Variants in CRTAC1 observed in about 807,000 individuals in gnomAD.
The protein encoded by CRTAC1 is acidic secreted protein in cartilage.
A neutral mutation model predicts 67.8 loss-of-function variants in CRTAC1; 37 were observed. That is an observed-to-expected ratio of 0.55 (90% CI 0.42 to 0.72). The LOEUF (loss-of-function observed/expected upper bound fraction) is 0.72, where lower values mean the gene tolerates loss of function less well. Among genes scored for constraint, CRTAC1 ranks in the 30% least tolerant of loss-of-function variants. The probability of loss-of-function intolerance (pLI) is 0.00; values close to 1 mark genes in which losing one functional copy is unlikely to be tolerated. For synonymous variants in CRTAC1, 348 were observed against 371.0 expected (o/e 0.94, Z 0.71); for missense variants, 780 against 931.6 (o/e 0.84, Z 2.12).
intron 2 of CRTAC1, among the ~76,000 whole-genome samples, chr10:97,940,412 C>T (rs1413095860): frequency 2.0e-5 from 3 of 152,234 alleles, no homozygotes; most frequent in Non-Finnish European, 1.5e-5. Flanking sequence ...CTGGAGGCTT[C>T]AAAGCTCAGT....
Position 97,880,364 on chromosome 10 carries a change from G to A in CRTAC1, c.1704C>T (p.Phe568=), listed in dbSNP as rs769768285. ...ATACGGGCTTGTCTCGAGGGCACAC[G>A]AATGGGAACTGGATGCATTCATTGG... is the stretch of plus-strand genomic sequence containing the variant. The part of the protein sequence containing the change: ...MDTNECIQFP[F]VCPRDKPVCV... Residue 568 remains phenylalanine (F), a synonymous_variant, in exon 14 of 15, where the codon TTC becomes TTT. Coordinates refer to ENST00000370597, the MANE Select transcript of CRTAC1 (RefSeq NM_018058.7). 3.1e-6 allele frequency: 5 copies of A among 1,614,118 alleles called. No homozygotes were observed. Among genetic ancestry groups the A allele is most frequent in the South Asian group, 1.1e-5 (1 of 91,070 alleles).
intron 11 of CRTAC1, among the ~76,000 whole-genome samples, chr10:97,893,888 C>T (rs541466344): frequency 1.4e-3 from 211 of 152,322 alleles, no homozygotes; most frequent in African/African-American, 4.9e-3. Context: ...CCTTTTCTCA[C>T]TCACCATAGT....
At chr10:97,981,555 C>T (rs1344981643) in intron 2 of CRTAC1, among the ~76,000 whole-genome samples, 2 of 152,254 alleles carry the variant, frequency 1.3e-5, no homozygotes, top group South Asian at 2.1e-4. Flanking sequence ...ATTAAAGTTG[C>T]TTCTGGTTTT....
chr10:97,986,233 GC>G (rs1280085007), intron 2 of CRTAC1, among the ~76,000 whole-genome samples: 1 of 152,206 alleles, frequency 6.6e-6, no homozygotes, highest in East Asian at 1.9e-4. Flanking sequence ...GAGAGCTCTA[GC>G]ATTTGAAGCC....
At chr10:98,001,198 C>T (rs141761071) in intron 2 of CRTAC1, among the ~76,000 whole-genome samples, 416 of 152,064 alleles carry the variant, frequency 2.7e-3, no homozygotes, top group African/African-American at 8.7e-3. Context: ...AGAAATGAAC[C>T]GCCATAGTAG....
At chr10:97,876,409 A>T (rs192641097) in intron 14 of CRTAC1, among the ~76,000 whole-genome samples, 47 of 152,318 alleles carry the variant, frequency 3.1e-4, no homozygotes, top group African/African-American at 1.1e-3. Context: ...TTGTCATTTT[A>T]AGGGGTATGT....
At chr10:97,981,506 T>A (rs946437087) in intron 2 of CRTAC1, among the ~76,000 whole-genome samples, 2 of 152,266 alleles carry the variant, frequency 1.3e-5, no homozygotes, top group Non-Finnish European at 2.9e-5. Context: ...ATCACATTGA[T>A]GTTCCATAAT....
chr10:97,965,106 T>A (rs140429116), intron 2 of CRTAC1, among the ~76,000 whole-genome samples: 48 of 152,244 alleles, frequency 3.2e-4, no homozygotes, highest in African/African-American at 9.9e-4. Context: ...AAAGCCAGAG[T>A]GCTGGGTGTC....
chr10:97,950,246 CAGAG>C (rs71007371), intron 2 of CRTAC1, among the ~76,000 whole-genome samples: 5,663 of 113,188 alleles, frequency 0.05, 169 homozygotes, highest in Middle Eastern at 0.098. Context: ...CACACACACA[CAGAG>C]AGAGAGAGAG....
In CRTAC1 at chr10:97,972,525, G is replaced by A. The variant is rs114186692; in HGVS notation, c.225-36159C>T. On this transcript the variant is annotated intron_variant, in intron 2 of 14. Transcript: ENST00000370597. The stretch of plus-strand genomic sequence containing the variant: ...ATACGAGAAAGTTAAACCTGTACTC[G>A]AAATGGATGCCAAGGCAACATAAAG... Among the ~76,000 whole-genome samples the A allele has an allele frequency of 5.1e-3, 776 of 152,286 alleles. 7 individuals are homozygous for A. Among genetic ancestry groups the A allele is most frequent in the African/African-American group, 0.018 (740 of 41,546 alleles).
chr10:97,901,181 T>C (rs760168383), intron 8 of CRTAC1, among the ~76,000 whole-genome samples: 20 of 151,360 alleles, frequency 1.3e-4, no homozygotes, highest in Non-Finnish European at 2.4e-4. Flanking sequence ...GATTGGACCC[T>C]GTAGCCCCTT....
At chr10:97,879,661 T>G (rs2050186050) in intron 14 of CRTAC1, 2 of 1,532,380 alleles carry the variant, frequency 1.3e-6, no homozygotes. Context: ...TTTTGTTTTG[T>G]TTTTTCCTTT....
chr10:97,986,399 C>G (rs545560110), intron 2 of CRTAC1, among the ~76,000 whole-genome samples: 39 of 152,324 alleles, frequency 2.6e-4, no homozygotes, highest in African/African-American at 9.1e-4. Flanking sequence ...AAGGGCAGCC[C>G]TTCCTTCGTG....
rs115806283 is a variant in CRTAC1, at chr10:97,879,929, T to G, written c.1819+320A>C. 3.0e-3 allele frequency: 2,527 copies of G among 833,222 alleles called. 48 individuals carry two copies. In the African/African-American group the frequency reaches 0.04, roughly 13 times the overall value. The allele number at this position is 833,222 out of a possible 1,614,324, so 51.6% of individuals were successfully genotyped here. A position where few individuals can be genotyped will look rare whatever the true frequency, so the allele number is the denominator to read the frequency against. ...GTTTAGAAATTCAGCCAAAGATGAG[T>G]AGTAGGAGTTAGTTTATATCCCAGC... On this transcript the variant is annotated intron_variant, in intron 14 of 14. Coordinates refer to ENST00000370597, the MANE Select transcript of CRTAC1 (RefSeq NM_018058.7).
At chr10:97,919,771 C>CTTTTTTTTTCT in intron 4 of CRTAC1, among the ~76,000 whole-genome samples, 1 of 106,310 alleles carries the variant, frequency 9.4e-6, no homozygotes, top group East Asian at 3.4e-4. Context: ...ACAGTACAGC[C>CTTTTTTTTTCT]TTTTTTTTTT....
chr10:98,009,005 G>A (rs764339374), intron 2 of CRTAC1, among the ~76,000 whole-genome samples: 118 of 152,252 alleles, frequency 7.8e-4, no homozygotes, highest in Middle Eastern at 6.8e-3. Flanking sequence ...ACTTAGTGAG[G>A]AGGGTGTCTC....
intron 3 of CRTAC1, among the ~76,000 whole-genome samples, chr10:97,926,311 C>T (rs1266126472): frequency 1.3e-5 from 2 of 152,182 alleles, no homozygotes; most frequent in South Asian, 2.1e-4. Flanking sequence ...TTGTTAGCTG[C>T]GAGGCCCCAG....
rs1042095148 is a variant in CRTAC1 at position 98,011,267 on chromosome 10, T to G, written c.95A>C (p.Glu32Ala). 3.1e-6 allele frequency: 5 copies of G among 1,614,202 alleles called. No homozygotes were observed. The Admixed American group carries it at 8.3e-5, about 27-fold the overall frequency. ...GTTGGTGACTGCAGTGAACATGGGT[T>G]CAGCCCGCTGGGACCCCTCAGTGAT... is the stretch of plus-strand genomic sequence containing the variant. Reference protein sequence around the residue: ...LPITEGSQRAEPMFTAVTNSV... With the variant: ...LPITEGSQRAAPMFTAVTNSV... The change falls in exon 2 of 15, where the codon GAA becomes GCA. Residue 32 changes from glutamate (E) to alanine (A), a missense_variant. Physicochemically the swap from Glu to Ala is moderately radical, Grantham distance 107. Coordinates refer to ENST00000370597, the MANE Select transcript of CRTAC1 (RefSeq NM_018058.7).
chr10:97,970,895 TA>T (rs1404968452), intron 2 of CRTAC1, among the ~76,000 whole-genome samples: 1 of 152,176 alleles, frequency 6.6e-6, no homozygotes, highest in East Asian at 1.9e-4. Flanking sequence ...GAGTAATAAG[TA>T]AAACACATCT....
Sources: gnomAD v4.1 joint callset for allele counts (sites outside exome capture counted in the v4.1 genomes callset) on GRCh38, gnomAD v4.1.1 for gene constraint, MANE v1.5 for transcripts, NCBI Gene and HGNC (gene_info 2026-07-23, HGNC 2026-07-21) for gene names.